The following COL7A1 variants were observed in gnomAD, a reference collection of about 807,000 sequenced individuals.
COL7A1 encodes the protein collagen type VII alpha 1 chain.
Under a neutral mutation model 456.2 loss-of-function variants are expected in COL7A1, and 296 were observed. The observed-to-expected ratio is 0.65, with a 90% CI of 0.59 to 0.71. The LOEUF (loss-of-function observed/expected upper bound fraction) is 0.71, where lower values mean the gene tolerates loss of function less well. Among genes scored for constraint, COL7A1 ranks in the 30% least tolerant of loss-of-function variants. The pLI, the probability that COL7A1 is intolerant of heterozygous loss-of-function variation, is 0.00. For missense variants in COL7A1, 3,441 were observed against 4,017.2 expected (o/e 0.86, Z 3.88); for synonymous variants, 1,464 against 1,525.9 (o/e 0.96, Z 0.95).
At position 48,591,833 on chromosome 3, in the gene COL7A1, A is replaced by G. The variant is rs1036121280; in HGVS notation, c.1358-11T>C. The G allele has an allele frequency of 1.9e-6, 3 of 1,614,146 alleles. No homozygotes were observed. The highest frequency in any genetic ancestry group is 2.5e-6 in the Non-Finnish European group (3 of 1,180,012). Reference sequence around the variant, plus strand: ...GCGGTGGCTCCAAGCCTGCAAGATAACAGGGTCAGACCAGCAGAGGCCATG... The same window carrying G: ...GCGGTGGCTCCAAGCCTGCAAGATAGCAGGGTCAGACCAGCAGAGGCCATG... On this transcript the variant is annotated splice_polypyrimidine_tract_variant and intron_variant, in intron 11 of 118. Transcript: ENST00000681320. This position sits in a 1 kb window ranked among gnomAD's most constrained non-coding sequence, Gnocchi z 7.0.
rs1480709438 is a variant in COL7A1 at position 48,581,616 on chromosome 3, A to C, written c.4739T>G (p.Val1580Gly). Residue 1580 changes from valine to glycine, a missense_variant, in exon 50 of 119, where the codon GTT becomes GGT. Physicochemically the swap from Val to Gly is moderately radical, Grantham distance 109 (BLOSUM62 -3). This residue lies in a region of COL7A1 where 2,084 missense variants were observed against 2,501.3 expected (regional missense o/e 0.83). Coordinates refer to ENST00000681320, the MANE Select transcript of COL7A1 (RefSeq NM_000094.4). The surrounding 1 kb of genome is among the most constrained non-coding windows in gnomAD (Gnocchi z 5.8). ...CTTGGGGCCAGGGTCTCCAGGAAGA[A>C]CCAAGCCGGGTGGGCCCTGTGGATG... is the stretch of plus-strand genomic sequence containing the variant. ...VQGERGPPGL[V>G]LPGDPGPKGD... 1 of 1,614,174 alleles carries C rather than the reference A, an allele frequency of 6.2e-7. No homozygotes were observed. Among genetic ancestry groups the C allele is most frequent in the Non-Finnish European group, 8.5e-7 (1 of 1,180,018 alleles).
In COL7A1 at chr3:48,586,442, G is replaced by A. The variant is rs2045266190; in HGVS notation, c.3440C>T (p.Ala1147Val). ...AVVTAHRYMLAPDAPGRRQHV... is the reference protein window; with the variant it reads ...AVVTAHRYMLVPDAPGRRQHV... ...CTGGCGGCGCCCAGGAGCATCTGGT[G>A]CCAACATGTATCTGTGAGCTGTGAC... The change falls in exon 27 of 119, where the codon GCA (alanine) becomes GTA (valine). Residue 1147 changes from alanine (A) to valine (V), a missense_variant. Coordinates refer to ENST00000681320, the MANE Select transcript of COL7A1 (RefSeq NM_000094.4). The surrounding 1 kb of genome is among the most constrained non-coding windows in gnomAD (Gnocchi z 5.1). 1 of 1,613,828 alleles carries A rather than the reference G, an allele frequency of 6.2e-7. No individual in the cohort carries two copies. The highest frequency in any genetic ancestry group is 8.5e-7 in the Non-Finnish European group (1 of 1,180,040).
chr3:48,581,370 A>G lies in COL7A1; in HGVS notation c.4819-30T>C. The G allele has an allele frequency of 6.2e-7, 1 of 1,613,708 alleles. No homozygotes were observed. Among genetic ancestry groups the G allele is most frequent in the South Asian group, 1.1e-5 (1 of 91,080 alleles). ...GGAGGAGGCAAGAGGGAGGTGATGC[A>G]GGACGCTCGAAGCAAGCAGTTCTCA... On this transcript the variant is annotated intron_variant, in intron 51 of 118. Coordinates refer to ENST00000681320, the MANE Select transcript of COL7A1 (RefSeq NM_000094.4). This position sits in a 1 kb window ranked among gnomAD's most constrained non-coding sequence, Gnocchi z 5.8.
Position 48,575,273 on chromosome 3 carries a change from C to T in COL7A1, c.6181-31G>A, listed in dbSNP as rs1304152376. ...ATGCAAATAGCGGGTGAGGGCCAAG[C>T]CCATGGGGGGTCCCACCCCTCCCAA... On this transcript the variant is annotated intron_variant, in intron 74 of 118. Transcript: ENST00000681320. This position sits in a 1 kb window ranked among gnomAD's most constrained non-coding sequence, Gnocchi z 6.3. 1 of 1,613,852 alleles carries T rather than the reference C, an allele frequency of 6.2e-7. No homozygotes were observed. The highest frequency in any genetic ancestry group is 8.5e-7 in the Non-Finnish European group (1 of 1,179,950).
rs538364300 is a variant in COL7A1 at position 48,569,616 on chromosome 3, G to A, written c.7590C>T (p.Gly2530=). The A allele has an allele frequency of 3.1e-6, 5 of 1,613,680 alleles. No homozygotes were observed. The highest frequency in any genetic ancestry group is 1.6e-4 in the Middle Eastern group (1 of 6,078). The change falls in exon 102 of 119, where the codon GGC becomes GGT. Residue 2530 remains glycine, a synonymous_variant. Transcript: ENST00000681320. This position sits in a 1 kb window ranked among gnomAD's most constrained non-coding sequence, Gnocchi z 4.9. The stretch of plus-strand genomic sequence containing the variant: ...CCATGTCCCCCTTGGCACCCCGTGG[G>A]CCTGGAGGCCCCAGGATCACAGCTG... The part of the protein sequence containing the change: ...GDSAVILGPP[G]PRGAKGDMGE...
Position 48,587,995 on chromosome 3 carries a change from G to T in COL7A1, c.2711-56C>A. ...GCATGTGGGATAGTGACACCTGGGGGCATTAAAGGGCCTGCCCACTTCACT... is the reference window on the plus strand; with the variant it reads ...GCATGTGGGATAGTGACACCTGGGGTCATTAAAGGGCCTGCCCACTTCACT... On this transcript the variant is annotated intron_variant, in intron 21 of 118. Coordinates refer to ENST00000681320, the MANE Select transcript of COL7A1 (RefSeq NM_000094.4). The surrounding 1 kb of genome is among the most constrained non-coding windows in gnomAD (Gnocchi z 6.1). The T allele has an allele frequency of 6.5e-7, 1 of 1,530,664 alleles. No homozygotes were observed. The highest frequency in any genetic ancestry group is 2.5e-5 in the East Asian group (1 of 40,780). 94.8% of individuals were successfully genotyped at this position (1,530,664 alleles called of 1,614,324 possible). A position where few individuals can be genotyped will look rare whatever the true frequency, so the allele number is the denominator to read the frequency against.
Position 48,565,661 on chromosome 3 carries a change from C to T in COL7A1, c.8415G>A (p.Gln2805=), listed in dbSNP as rs778068500. 5 of 1,613,562 alleles carry T rather than the reference C, an allele frequency of 3.1e-6. No homozygotes were observed. Residue 2805 remains glutamine, a synonymous_variant, in exon 115 of 119, where the codon CAG becomes CAA. Coordinates refer to ENST00000681320, the MANE Select transcript of COL7A1 (RefSeq NM_000094.4). The surrounding 1 kb of genome is among the most constrained non-coding windows in gnomAD (Gnocchi z 4.5). ...GTGATCCAGATGCGATGAACTGGCC[C>T]TGGCAGGCTAGAGGGGGCAGAGAGG... ...RQEMSQHCAC[Q]GQFIASGSRP...
chr3:48,586,293 C>T lies in COL7A1; in HGVS notation c.3550+39G>A, dbSNP rs2045253886. The T allele has an allele frequency of 6.2e-7, 1 of 1,613,642 alleles. No individual in the cohort carries two copies. Among genetic ancestry groups the T allele is most frequent in the African/African-American group, 1.3e-5 (1 of 74,928 alleles). Reference sequence around the variant, plus strand: ...GCATGATAGCCTTTTCAGGGCCACCCCTATTCCCAGACCCCTTCCCCATCA... The same window carrying T: ...GCATGATAGCCTTTTCAGGGCCACCTCTATTCCCAGACCCCTTCCCCATCA... On this transcript the variant is annotated intron_variant, in intron 27 of 118. Coordinates refer to ENST00000681320, the MANE Select transcript of COL7A1 (RefSeq NM_000094.4). This position sits in a 1 kb window ranked among gnomAD's most constrained non-coding sequence, Gnocchi z 5.1.
Position 48,592,188 on chromosome 3 carries a change from A to C in COL7A1, c.1154T>G (p.Leu385Trp). The C allele has an allele frequency of 6.2e-7, 1 of 1,614,108 alleles. No homozygotes were observed. The highest frequency in any genetic ancestry group is 1.1e-5 in the South Asian group (1 of 91,082). ...PGQGSVLLRD[L>W]EPGTDYEVTV... ...CACCTCATAGTCCGTGCCAGGCTCC[A>C]AGTCACGCAGCAACACTGAACCCTG... Residue 385 changes from leucine (L) to tryptophan (W), a missense_variant, in exon 10 of 119, where the codon TTG (leucine) becomes TGG (tryptophan). Leu to Trp is a moderately conservative substitution (Grantham distance 61, BLOSUM62 -2). Coordinates refer to ENST00000681320, the MANE Select transcript of COL7A1 (RefSeq NM_000094.4). The surrounding 1 kb of genome is among the most constrained non-coding windows in gnomAD (Gnocchi z 7.6).
At position 48,565,010 on chromosome 3, in the gene COL7A1, T is replaced by G. The variant is rs1048066291; in HGVS notation, c.8621-30A>C. 1.7e-5 allele frequency: 27 copies of G among 1,613,738 alleles called. No homozygotes were observed. In the East Asian group the frequency reaches 6.0e-4, roughly 36 times the overall value. On this transcript the variant is annotated intron_variant, in intron 117 of 118. Coordinates refer to ENST00000681320, the MANE Select transcript of COL7A1 (RefSeq NM_000094.4). This position sits in a 1 kb window ranked among gnomAD's most constrained non-coding sequence, Gnocchi z 4.5. ...GCCAATGGGGTCAAGTCAGCAGGGTTTGTGGGAATCAGAGAGGGTTGAAAG... is the reference window on the plus strand; with the variant it reads ...GCCAATGGGGTCAAGTCAGCAGGGTGTGTGGGAATCAGAGAGGGTTGAAAG...
Position 48,569,802 on chromosome 3 carries a change from G to T in COL7A1, c.7522-42C>A. Reference sequence around the variant, plus strand: ...TGTGAGTCCCGCCCAAACTGGGGAGGCCCCGCACCTGAATTCTAATATCAT... The same window carrying T: ...TGTGAGTCCCGCCCAAACTGGGGAGTCCCCGCACCTGAATTCTAATATCAT... On this transcript the variant is annotated intron_variant, in intron 100 of 118. Transcript: ENST00000681320. The surrounding 1 kb of genome is among the most constrained non-coding windows in gnomAD (Gnocchi z 4.9). 3 of 1,614,134 alleles carry T rather than the reference G, an allele frequency of 1.9e-6. No individual in the cohort carries two copies. In the East Asian group the frequency reaches 6.7e-5, roughly 36 times the overall value.
At position 48,583,565 on chromosome 3, in the gene COL7A1, C is replaced by T. The variant is rs373742757; in HGVS notation, c.4392G>A (p.Pro1464=). Residue 1464 remains proline (P), a synonymous_variant, in exon 41 of 119, where the codon CCG becomes CCA. Coordinates refer to ENST00000681320, the MANE Select transcript of COL7A1 (RefSeq NM_000094.4). This position sits in a 1 kb window ranked among gnomAD's most constrained non-coding sequence, Gnocchi z 5.1. ...TGGCCCCTCCACTCACCTGCTCACC[C>T]GGAGACCCAGGTTGTCCTGGGAGGC... ...APGLPGQPGS[P]GEQGPRGPPG... 55 of 1,613,918 alleles carry T rather than the reference C, an allele frequency of 3.4e-5. 1 individual carries two copies. Among genetic ancestry groups the T allele is most frequent in the South Asian group, 1.2e-4 (11 of 91,092 alleles).
rs1553616269 is a variant in COL7A1 at position 48,593,061 on chromosome 3, C to T, written c.682+41G>A. 7 of 1,613,866 alleles carry T rather than the reference C, an allele frequency of 4.3e-6. 1 individual carries two copies. The highest frequency in any genetic ancestry group is 2.2e-5 in the East Asian group (1 of 44,882). On this transcript the variant is annotated intron_variant, in intron 6 of 118. Coordinates refer to ENST00000681320, the MANE Select transcript of COL7A1 (RefSeq NM_000094.4). The surrounding 1 kb of genome is among the most constrained non-coding windows in gnomAD (Gnocchi z 4.4). Reference sequence around the variant, plus strand: ...GCACTGCCAAGTGGGGATTGGGGTCCGGGGTCTAGGTCAGGGTACACCGTG... The same window carrying T: ...GCACTGCCAAGTGGGGATTGGGGTCTGGGGTCTAGGTCAGGGTACACCGTG...
intron 33 of COL7A1, 23 bp from the exon 34 acceptor site, chr3:48,584,968 G>T: frequency 6.2e-7 from 1 of 1,613,744 alleles, no homozygotes; most frequent in Non-Finnish European, 8.5e-7. Context: ...GCCAGAGGCA[G>T]AACAGTCGGA....
rs2044136135 is a variant in COL7A1 at position 48,574,279 on chromosome 3, C to T, written c.6484G>A (p.Gly2162Arg). ...PGLPGERGMA[G>R]PEGKPGLQGP... ...CCACTCACCGGCTTCCCTTCAGGCC[C>T]AGCCATACCACGCTCTCCTGGTAGA... The change falls in exon 80 of 119, where the codon GGG (glycine) becomes AGG (arginine). Residue 2162 changes from glycine (G) to arginine (R), a missense_variant. Transcript: ENST00000681320. The surrounding 1 kb of genome is among the most constrained non-coding windows in gnomAD (Gnocchi z 5.0). The T allele has an allele frequency of 1.2e-6, 2 of 1,614,120 alleles. No homozygotes were observed. The highest frequency in any genetic ancestry group is 1.7e-6 in the Non-Finnish European group (2 of 1,180,022).
chr3:48,568,748 ACCTGGG>A lies in COL7A1; in HGVS notation c.7758+30_7758+35del, dbSNP rs767210608. On this transcript the variant is annotated intron_variant, in intron 104 of 118. Coordinates refer to ENST00000681320, the MANE Select transcript of COL7A1 (RefSeq NM_000094.4). This position sits in a 1 kb window ranked among gnomAD's most constrained non-coding sequence, Gnocchi z 5.2. ...TGTGTGTGTGTGATGCTGGCTCTGGACCTGGGCCTGGGCCTGGGCCTGGGGCAGAAC... is the reference window on the plus strand; with the variant it reads ...TGTGTGTGTGTGATGCTGGCTCTGGACCTGGGCCTGGGCCTGGGGCAGAAC... The A allele has an allele frequency of 6.4e-6, 10 of 1,550,998 alleles. No homozygotes were observed. Among genetic ancestry groups the A allele is most frequent in the East Asian group, 2.4e-5 (1 of 41,416 alleles).
Position 48,568,783 on chromosome 3 carries a change from C to T in COL7A1, c.7758+1G>A. On this transcript the variant is annotated splice_donor_variant, in intron 104 of 118. Coordinates refer to ENST00000681320, the MANE Select transcript of COL7A1 (RefSeq NM_000094.4). LOFTEE classifies it high-confidence loss of function. The surrounding 1 kb of genome is among the most constrained non-coding windows in gnomAD (Gnocchi z 5.2). ...GGGCCTGGGCCTGGGGCAGAACTTGCCTGGGGTCCCAGGAGTCCACGCAGT... is the reference window on the plus strand; with the variant it reads ...GGGCCTGGGCCTGGGGCAGAACTTGTCTGGGGTCCCAGGAGTCCACGCAGT... 1 of 1,566,256 alleles carries T rather than the reference C, an allele frequency of 6.4e-7. No homozygotes were observed. The highest frequency in any genetic ancestry group is 2.4e-5 in the East Asian group (1 of 42,498).
At chr3:48,584,677 G>T (rs370698911) in intron 35 of COL7A1, 57 bp downstream of exon 35, 4 of 1,613,302 alleles carry the variant, frequency 2.5e-6, no homozygotes, top group Non-Finnish European at 3.4e-6. Flanking sequence ...GTCTGGTGTG[G>T]GGCAGTCCTG....
chr3:48,588,813 G>C lies in COL7A1; in HGVS notation c.2441-25C>G, dbSNP rs752967242. 1.2e-6 allele frequency: 2 copies of C among 1,613,670 alleles called. No individual in the cohort carries two copies. The highest frequency in any genetic ancestry group is 2.2e-5 in the East Asian group (1 of 44,884). On this transcript the variant is annotated intron_variant, in intron 19 of 118. Coordinates refer to ENST00000681320, the MANE Select transcript of COL7A1 (RefSeq NM_000094.4). This position sits in a 1 kb window ranked among gnomAD's most constrained non-coding sequence, Gnocchi z 4.6. Reference sequence around the variant, plus strand: ...CCTGGCCAGGTGGGCATACAGCAATGGTTAGGGGTGAGCAGTCCCAGCCAG... The same window carrying C: ...CCTGGCCAGGTGGGCATACAGCAATCGTTAGGGGTGAGCAGTCCCAGCCAG...
Sources: gnomAD v4.1 joint callset for allele counts on GRCh38, gnomAD v4.1.1 for gene constraint, gnomAD v4.1.1 regional missense constraint, Gnocchi (gnomAD v3.1) non-coding constraint, MANE v1.5 for transcripts, NCBI Gene and HGNC (gene_info 2026-07-23, HGNC 2026-07-21) for gene names.